NOX3: variants seen among roughly 807,000 people sequenced by gnomAD.
NOX3 encodes the protein NADPH oxidase 3.
Under a neutral mutation model 76.7 loss-of-function variants are expected in NOX3, and 74 were observed. The observed-to-expected ratio is 0.96, with a 90% CI of 0.80 to 1.17. NOX3 has a LOEUF of 1.17. Ranked by LOEUF, NOX3 falls within the 50% of genes most tolerant of loss-of-function variation. The probability of loss-of-function intolerance (pLI) is 0.00; values close to 1 mark genes in which losing one functional copy is unlikely to be tolerated. For missense variants in NOX3, 695 were observed against 703.3 expected (o/e 0.99, Z 0.13); for synonymous variants, 263 against 261.1 (o/e 1.01, Z -0.07).
intron 1 of NOX3, 71 bp downstream of exon 1, chr6:155,455,682 A>T: frequency 8.0e-7 from 1 of 1,247,390 alleles, no homozygotes; most frequent in Non-Finnish European, 1.2e-6. Context: ...GCGTTCCTAT[A>T]CAAGTTTTCC....
chr6:155,402,075 G>C (rs940623618), intron 12 of NOX3, among the ~76,000 whole-genome samples: 1 of 152,096 alleles, frequency 6.6e-6, no homozygotes, highest in Non-Finnish European at 1.5e-5. Flanking sequence ...TTTTCATTCT[G>C]TCTACCTTCT....
chr6:155,455,566 C>A (rs970731471), intron 1 of NOX3, among the ~76,000 whole-genome samples, 187 bp downstream of exon 1: 5 of 152,132 alleles, frequency 3.3e-5, no homozygotes, highest in Non-Finnish European at 7.4e-5. Context: ...TGAGCTCAAT[C>A]GGAAAACAAC....
At chr6:155,421,115 A>T (rs1426960598) in intron 10 of NOX3, among the ~76,000 whole-genome samples, 2 of 152,128 alleles carry the variant, frequency 1.3e-5, no homozygotes, top group African/African-American at 2.4e-5. Context: ...CCGTCTTCCT[A>T]AAATATTGCT....
intron 4 of NOX3, among the ~76,000 whole-genome samples, chr6:155,448,128 T>G (rs1777088590): frequency 6.6e-6 from 1 of 152,180 alleles, no homozygotes; most frequent in Non-Finnish European, 1.5e-5. Flanking sequence ...ACCTAACTTC[T>G]TTTAGGCCCT....
At chr6:155,445,969 A>ATATGCTAT (rs1380551108) in intron 4 of NOX3, among the ~76,000 whole-genome samples, 40 of 96,682 alleles carry the variant, frequency 4.1e-4, no homozygotes, top group African/African-American at 1.6e-3. Flanking sequence ...ATATATATAT[A>ATATGCTAT]ATATATATAT....
At chr6:155,438,388 G>A (rs2114701212) in intron 6 of NOX3, among the ~76,000 whole-genome samples, 1 of 152,352 alleles carries the variant, frequency 6.6e-6, no homozygotes, top group Non-Finnish European at 1.5e-5. Flanking sequence ...TAGCCAGGCA[G>A]CAGAGTACGG....
At chr6:155,411,505 A>G in intron 10 of NOX3, 145 bp from the exon 11 acceptor site, 1 of 662,932 alleles carries the variant, frequency 1.5e-6, no homozygotes. Context: ...GTGTCAGTGA[A>G]CAAACAGTCA....
At chr6:155,422,100 T>C (rs1164452046) in intron 10 of NOX3, among the ~76,000 whole-genome samples, 1 of 152,170 alleles carries the variant, frequency 6.6e-6, no homozygotes, top group African/African-American at 2.4e-5. Context: ...TTGCCTACCA[T>C]TGCTCTAGTG....
chr6:155,449,249 A>C (rs1271406974), intron 4 of NOX3, among the ~76,000 whole-genome samples: 1 of 152,100 alleles, frequency 6.6e-6, no homozygotes, highest in Non-Finnish European at 1.5e-5. Context: ...CAGGAGCTGC[A>C]CTCGGCTAAT....
chr6:155,454,990 T>C (rs749179777), intron 2 of NOX3, 44 bp downstream of exon 2: 13 of 1,578,456 alleles, frequency 8.2e-6, no homozygotes, highest in Non-Finnish European at 8.7e-7. Context: ...TAAAATGCAT[T>C]TTGTTTTCTG....
chr6:155,416,627 A>G (rs1294307469), intron 10 of NOX3, among the ~76,000 whole-genome samples: 2 of 150,486 alleles, frequency 1.3e-5, no homozygotes, highest in Admixed American at 6.6e-5. Flanking sequence ...AATGTTAACT[A>G]TTTCATGACT....
chr6:155,408,985 C>T (rs1776504785), intron 11 of NOX3, among the ~76,000 whole-genome samples: 1 of 152,014 alleles, frequency 6.6e-6, no homozygotes, highest in Non-Finnish European at 1.5e-5. Context: ...TGAGGGTTGA[C>T]AAAGAACCTA....
chr6:155,437,420 G>A (rs1341967529), intron 6 of NOX3, among the ~76,000 whole-genome samples: 1 of 152,216 alleles, frequency 6.6e-6, no homozygotes, highest in Non-Finnish European at 1.5e-5. Context: ...TGGACAGCCT[G>A]TGGAGTGGTG....
chr6:155,439,089 C>A (rs571567017), intron 6 of NOX3, among the ~76,000 whole-genome samples: 2 of 152,296 alleles, frequency 1.3e-5, no homozygotes, highest in South Asian at 4.1e-4. Context: ...ACCCTCAGAA[C>A]ACCTTTTTCC....
intron 10 of NOX3, among the ~76,000 whole-genome samples, chr6:155,412,133 C>T (rs1389683384): frequency 6.6e-6 from 1 of 152,026 alleles, no homozygotes; most frequent in Non-Finnish European, 1.5e-5. Context: ...TCTCACACTC[C>T]CACCCCTTGC....
intron 10 of NOX3, among the ~76,000 whole-genome samples, chr6:155,416,648 T>G (rs1033788463): frequency 5.3e-5 from 8 of 152,198 alleles, no homozygotes; most frequent in African/African-American, 1.9e-4. Flanking sequence ...ATATTGCTAC[T>G]TCGCCCTGTG....
At chr6:155,455,611 C>T (rs1307589004) in intron 1 of NOX3, 142 bp downstream of exon 1, 1 of 585,972 alleles carries the variant, frequency 1.7e-6, no homozygotes, top group African/African-American at 1.9e-5. Flanking sequence ...TTAAATACAT[C>T]TACTGAATGT....
chr6:155,425,958 G>A (rs1562464765), intron 9 of NOX3, among the ~76,000 whole-genome samples: 1 of 152,150 alleles, frequency 6.6e-6, no homozygotes, highest in Non-Finnish European at 1.5e-5. Context: ...CCCCTCCTGG[G>A]CATCTCACTC....
At chr6:155,453,258 C>T in intron 4 of NOX3, 146 bp downstream of exon 4, 1 of 648,366 alleles carries the variant, frequency 1.5e-6, no homozygotes, top group South Asian at 2.1e-5. Flanking sequence ...TGTAAAAACC[C>T]ATTTGTGTAA....
Sources: gnomAD v4.1 joint callset for allele counts (sites outside exome capture counted in the v4.1 genomes callset) on GRCh38, gnomAD v4.1.1 for gene constraint, MANE v1.5 for transcripts, NCBI Gene and HGNC (gene_info 2026-07-23, HGNC 2026-07-21) for gene names.